The following PUM2 variants were observed in gnomAD, a reference collection of about 807,000 sequenced individuals.
PUM2 encodes pumilio homolog 2.
In PUM2, 57 loss-of-function variants were observed where a neutral mutation model predicts 124.5. The ratio of observed to expected loss-of-function variants is 0.46; its 90% CI spans 0.37 to 0.57. PUM2 has a LOEUF of 0.57. Among genes scored for constraint, PUM2 ranks in the 20% least tolerant of loss-of-function variants. PUM2 has a pLI of 0.00. For missense variants in PUM2, 1,065 were observed against 1,290.6 expected (o/e 0.83, Z 2.68); for synonymous variants, 460 against 446.1 (o/e 1.03, Z -0.39).
At chr2:20,304,844 A>G (rs534208165) in intron 7 of PUM2, among the ~76,000 whole-genome samples, 3 of 152,372 alleles carry the variant, frequency 2.0e-5, no homozygotes, top group African/African-American at 7.2e-5. Context: ...TATGAGCTAA[A>G]TAAAATATTC....
intron 1 of PUM2, among the ~76,000 whole-genome samples, chr2:20,349,061 C>T (rs939541232): frequency 1.4e-4 from 22 of 152,140 alleles, no homozygotes; most frequent in African/African-American, 5.3e-4. Context: ...TTTGTAAGAG[C>T]AAAGTAAATG....
At chr2:20,335,047 G>A (rs1486278682) in intron 1 of PUM2, among the ~76,000 whole-genome samples, 1 of 151,946 alleles carries the variant, frequency 6.6e-6, no homozygotes, top group East Asian at 1.9e-4. Flanking sequence ...CTCAGTCTCC[G>A]GGAGTATCTG....
At chr2:20,333,455 G>A (rs889670157) in intron 1 of PUM2, among the ~76,000 whole-genome samples, 2 of 152,068 alleles carry the variant, frequency 1.3e-5, no homozygotes, top group African/African-American at 4.8e-5. Context: ...GATCGCTTGA[G>A]CCCAGGAGGT....
chr2:20,349,569 G>A (rs1342963409), intron 1 of PUM2, among the ~76,000 whole-genome samples: 1 of 151,354 alleles, frequency 6.6e-6, no homozygotes, highest in African/African-American at 2.4e-5. Flanking sequence ...CAATACTCCA[G>A]GTCACATGGT....
At chr2:20,349,249 A>G (rs1005593937) in intron 1 of PUM2, among the ~76,000 whole-genome samples, 2 of 152,238 alleles carry the variant, frequency 1.3e-5, no homozygotes, top group African/African-American at 4.8e-5. Flanking sequence ...AACAAAATTT[A>G]AAAACTGGAC....
intron 5 of PUM2, among the ~76,000 whole-genome samples, chr2:20,310,993 G>A (rs1315444525): frequency 6.6e-6 from 1 of 151,958 alleles, no homozygotes; most frequent in Non-Finnish European, 1.5e-5. Flanking sequence ...GCTATTTGCA[G>A]GAATAATCTT....
rs946541956 is a variant in PUM2, at chr2:20,350,608, G to C, written c.-30C>G. On this transcript the variant is annotated 5_prime_UTR_variant, in exon 1 of 21. Coordinates refer to ENST00000361078, the MANE Select transcript of PUM2 (RefSeq NM_015317.5). ...GCGGACTGACTTACAGGGCTGCTGC[G>C]GCCGCGCTGCCTCAGCCGGGGACAC... 1.0e-6 allele frequency: 1 copy of C among 985,440 alleles called. No individual in the cohort carries two copies. The highest frequency in any genetic ancestry group is 1.1e-4 in the East Asian group (1 of 8,786). The allele number at this position is 985,440 out of a possible 1,614,324, so 61.0% of individuals were successfully genotyped here. A position where few individuals can be genotyped will look rare whatever the true frequency, so the allele number is the denominator to read the frequency against.
chr2:20,315,466 A>G (rs1388656682), intron 3 of PUM2, among the ~76,000 whole-genome samples: 1 of 152,170 alleles, frequency 6.6e-6, no homozygotes, highest in African/African-American at 2.4e-5. Context: ...TGTTAGGTAA[A>G]CAAAATTCCA....
chr2:20,261,901 T>TG (rs35741748), intron 14 of PUM2, among the ~76,000 whole-genome samples: 126,982 of 152,148 alleles, frequency 0.83, 53,424 homozygotes, highest in East Asian at 0.94. Context: ...AAGCTCAGCC[T>TG]GGCAACACAG....
At chr2:20,298,436 GA>G (rs1368711042) in intron 7 of PUM2, among the ~76,000 whole-genome samples, 5 of 152,084 alleles carry the variant, frequency 3.3e-5, no homozygotes, top group Admixed American at 6.6e-5. Flanking sequence ...AGTAAAGGCT[GA>G]AAAAGACCTA....
At chr2:20,321,562 G>A (rs1305778846) in intron 2 of PUM2, among the ~76,000 whole-genome samples, 2 of 151,968 alleles carry the variant, frequency 1.3e-5, no homozygotes, top group African/African-American at 4.8e-5. Context: ...TCTACTAGCT[G>A]GTGACTAATA....
rs1213712974 is a variant in PUM2, at chr2:20,249,754, CAT to C, written c.*1829_*1830del. On this transcript the variant is annotated 3_prime_UTR_variant, in exon 21 of 21. Coordinates refer to ENST00000361078, the MANE Select transcript of PUM2 (RefSeq NM_015317.5). ...TCAGCACTGAACATAAGTGGGTCAA[CAT>C]AAATGTTTATACAAAATACTGACTT... is the stretch of plus-strand genomic sequence containing the variant. 6.6e-6 allele frequency: 1 copy of C among 152,634 alleles called. No homozygotes were observed. The highest frequency in any genetic ancestry group is 6.5e-5 in the Admixed American group (1 of 15,276). The allele number at this position is 152,634 out of a possible 1,614,324, so 9.5% of individuals were successfully genotyped here. A position where few individuals can be genotyped will look rare whatever the true frequency, so the allele number is the denominator to read the frequency against.
intron 13 of PUM2, among the ~76,000 whole-genome samples, chr2:20,264,770 G>T (rs531693709): frequency 6.6e-6 from 1 of 152,204 alleles, no homozygotes; most frequent in Admixed American, 6.5e-5. Flanking sequence ...TGGTCCCAAG[G>T]ATACACTGTC....
chr2:20,275,160 A>G (rs1205271814), intron 13 of PUM2, among the ~76,000 whole-genome samples: 1 of 151,804 alleles, frequency 6.6e-6, no homozygotes, highest in African/African-American at 2.4e-5. Context: ...TCTCTCTCCA[A>G]GTTGTTGTCA....
At chr2:20,257,843 AC>A (rs555986827) in intron 16 of PUM2, among the ~76,000 whole-genome samples, 8 of 152,298 alleles carry the variant, frequency 5.3e-5, no homozygotes, top group South Asian at 2.1e-4. Context: ...TTTAAAAAAA[AC>A]ATTTTCATAT....
intron 12 of PUM2, 102 bp from the exon 13 acceptor site, chr2:20,278,921 ATT>A: frequency 1.2e-6 from 1 of 824,876 alleles, no homozygotes; most frequent in Non-Finnish European, 1.9e-6. Flanking sequence ...CACAATAATT[ATT>A]TTTAGAAACA....
At chr2:20,259,077 T>TA (rs141275923) in intron 15 of PUM2, among the ~76,000 whole-genome samples, 7 of 152,306 alleles carry the variant, frequency 4.6e-5, no homozygotes, top group East Asian at 3.9e-4. Flanking sequence ...AAAAAACTGT[T>TA]AAAGTCATTA....
At chr2:20,278,158 G>A (rs554127084) in intron 13 of PUM2, among the ~76,000 whole-genome samples, 1 of 152,216 alleles carries the variant, frequency 6.6e-6, no homozygotes, top group Admixed American at 6.5e-5. Context: ...AAAATGGCCA[G>A]GCATAGAAAG....
At chr2:20,347,092 C>A (rs1688387724) in intron 1 of PUM2, among the ~76,000 whole-genome samples, 1 of 152,116 alleles carries the variant, frequency 6.6e-6, no homozygotes, top group Non-Finnish European at 1.5e-5. Context: ...TATTCCTCCA[C>A]AAGAGAACAG....
Sources: gnomAD v4.1 joint callset for allele counts (sites outside exome capture counted in the v4.1 genomes callset) on GRCh38, gnomAD v4.1.1 for gene constraint, MANE v1.5 for transcripts, NCBI Gene and HGNC (gene_info 2026-07-23, HGNC 2026-07-21) for gene names.